The following EPHA7 variants were observed in gnomAD, a reference collection of about 807,000 sequenced individuals.
The protein encoded by EPHA7 is EPH receptor A7.
In EPHA7, 25 loss-of-function variants were observed where a neutral mutation model predicts 112.6. That is an observed-to-expected ratio of 0.22 (90% CI 0.16 to 0.31). The LOEUF (loss-of-function observed/expected upper bound fraction) is 0.31. Ranked by LOEUF, EPHA7 falls within the 10% of genes least tolerant of loss-of-function variation. EPHA7 has a pLI of 1.00. For synonymous variants in EPHA7, 437 were observed against 406.5 expected (o/e 1.07, Z -0.90); for missense variants, 962 against 1,212.6 (o/e 0.79, Z 3.07).
At chr6:93,362,618 A>G (rs1776314259) in intron 3 of EPHA7, among the ~76,000 whole-genome samples, 1 of 152,114 alleles carries the variant, frequency 6.6e-6, no homozygotes, top group Non-Finnish European at 1.5e-5. Flanking sequence ...TGTCTTCAAT[A>G]GATGTTTTGT....
intron 5 of EPHA7, among the ~76,000 whole-genome samples, chr6:93,305,528 G>A (rs1773212487): frequency 6.6e-6 from 1 of 151,760 alleles, no homozygotes; most frequent in Non-Finnish European, 1.5e-5. Context: ...AATATTTCCT[G>A]GTAACCAAAG....
Position 93,358,497 on chromosome 6 carries a change from A to G in EPHA7, c.833-86T>C, listed in dbSNP as rs1776073353. ...ATTGTATTATTTAGCAAGGAATCAA[A>G]TATTAAATGTGATGTATGTAAAACA... On this transcript the variant is annotated intron_variant, in intron 3 of 16. Transcript: ENST00000369303. 8.6e-6 allele frequency: 10 copies of G among 1,159,604 alleles called. No homozygotes were observed. The South Asian group carries it at 1.7e-4, about 20-fold the overall frequency. The allele number at this position is 1,159,604 out of a possible 1,614,324, so 71.8% of individuals were successfully genotyped here.
chr6:93,367,156 C>A (rs1029360640), intron 3 of EPHA7, among the ~76,000 whole-genome samples: 1 of 152,030 alleles, frequency 6.6e-6, no homozygotes, highest in East Asian at 1.9e-4. Context: ...TGTGACACAG[C>A]ACCATTTTAT....
chr6:93,244,257 G>A (rs1769843958), intron 16 of EPHA7, among the ~76,000 whole-genome samples: 1 of 152,030 alleles, frequency 6.6e-6, no homozygotes, highest in Non-Finnish European at 1.5e-5. Context: ...TGAGAAACAT[G>A]GGTTTTCAGG....
At position 93,246,988 on chromosome 6, in the gene EPHA7, AAT is replaced by A; in HGVS notation, c.2533-5_2533-4del. 6.4e-7 allele frequency: 1 copy of A among 1,569,890 alleles called. No individual in the cohort carries two copies. Among genetic ancestry groups the A allele is most frequent in the Non-Finnish European group, 8.7e-7 (1 of 1,148,224 alleles). On this transcript the variant is annotated splice_region_variant and splice_polypyrimidine_tract_variant and intron_variant, in intron 14 of 16. Coordinates refer to ENST00000369303, the MANE Select transcript of EPHA7 (RefSeq NM_004440.4). ...CCTTCTTCTATTGCTTTTATAACCT[AAT>A]AGCCAAAAGGACATTACAAATATTA...
chr6:93,366,150 G>T (rs1383499897), intron 3 of EPHA7, among the ~76,000 whole-genome samples: 1 of 151,922 alleles, frequency 6.6e-6, no homozygotes, highest in Non-Finnish European at 1.5e-5. Flanking sequence ...GAAAAAAAAA[G>T]TCAAGTTAGA....
chr6:93,321,834 T>C (rs969904216), intron 5 of EPHA7, among the ~76,000 whole-genome samples: 14 of 151,914 alleles, frequency 9.2e-5, no homozygotes, highest in African/African-American at 3.4e-4. Flanking sequence ...TATCTCTTTT[T>C]GAGATTAATG....
At chr6:93,348,087 T>C (rs1775494273) in intron 5 of EPHA7, among the ~76,000 whole-genome samples, 1 of 151,850 alleles carries the variant, frequency 6.6e-6, no homozygotes, top group African/African-American at 2.4e-5. Flanking sequence ...AACCTCAACA[T>C]AAGCCTATTT....
intron 15 of EPHA7, 47 bp downstream of exon 15, chr6:93,246,745 T>G (rs752997303): frequency 6.7e-7 from 1 of 1,502,594 alleles, no homozygotes; most frequent in South Asian, 1.2e-5. Context: ...TGGTTTATGT[T>G]ACTATTGTAA....
chr6:93,359,874 G>GAGAT (rs66894419), intron 3 of EPHA7, among the ~76,000 whole-genome samples: 8,992 of 127,688 alleles, frequency 0.07, 346 homozygotes, highest in Middle Eastern at 0.14. Flanking sequence ...GAGAGAGAGA[G>GAGAT]AGATAGATAG....
At chr6:93,295,087 GAGGAACAAA>G (rs1461990321) in intron 5 of EPHA7, among the ~76,000 whole-genome samples, 1 of 151,836 alleles carries the variant, frequency 6.6e-6, no homozygotes, top group Non-Finnish European at 1.5e-5. Context: ...GGAAGGGAGA[GAGGAACAAA>G]AGGAGGGAGA....
intron 3 of EPHA7, among the ~76,000 whole-genome samples, chr6:93,383,378 C>G (rs1197745222): frequency 6.6e-6 from 1 of 151,110 alleles, no homozygotes; most frequent in East Asian, 2.0e-4. Flanking sequence ...GGATGTCACT[C>G]AATGCATAGA....
chr6:93,304,172 ATAC>A (rs1194381725), intron 5 of EPHA7, among the ~76,000 whole-genome samples: 1 of 151,964 alleles, frequency 6.6e-6, no homozygotes, highest in African/African-American at 2.4e-5. Context: ...TATAGTAATT[ATAC>A]TACAAGTATA....
At chr6:93,259,550 A>C in intron 9 of EPHA7, 71 bp from the exon 10 acceptor site, 3 of 1,575,842 alleles carry the variant, frequency 1.9e-6, no homozygotes, top group Non-Finnish European at 2.6e-6. Flanking sequence ...CAGGAATTTC[A>C]TTATGCAGAG....
At position 93,364,908 on chromosome 6, in the gene EPHA7, C is replaced by T. The variant is rs547278468; in HGVS notation, c.833-6497G>A. On this transcript the variant is annotated intron_variant, in intron 3 of 16. Transcript: ENST00000369303. ...AGTAATAATTTTATCACTTAAAAAA[C>T]AGTCTTACCAAAACCAAGCTTATAT... 5.9e-5 allele frequency among the ~76,000 whole-genome samples: 9 copies of T among 152,190 alleles called. No individual in the cohort carries two copies. The East Asian group carries it at 1.7e-3, about 29-fold the overall frequency.
chr6:93,246,772 T>C lies in EPHA7; in HGVS notation c.2726+20A>G, dbSNP rs768654128. 13 of 1,570,840 alleles carry C rather than the reference T, an allele frequency of 8.3e-6. No individual in the cohort carries two copies. In the South Asian group the frequency reaches 1.2e-4, roughly 15 times the overall value. On this transcript the variant is annotated intron_variant, in intron 15 of 16. Coordinates refer to ENST00000369303, the MANE Select transcript of EPHA7 (RefSeq NM_004440.4). ...CTATTGTAATTTCTCCCAGATTCCA[T>C]TCCCTTAGGCATTTCTTACCTACTA...
At chr6:93,271,930 C>T (rs1369702292) in intron 6 of EPHA7, among the ~76,000 whole-genome samples, 2 of 151,578 alleles carry the variant, frequency 1.3e-5, no homozygotes, top group South Asian at 2.1e-4. Context: ...TTAAACAAAC[C>T]ATTAAGGTCC....
chr6:93,329,453 A>T (rs1352462964), intron 5 of EPHA7, among the ~76,000 whole-genome samples: 1 of 151,444 alleles, frequency 6.6e-6, no homozygotes, highest in Non-Finnish European at 1.5e-5. Flanking sequence ...AACTAGCAAC[A>T]GCATATGGGC....
At chr6:93,311,543 CTCTTGCAATTT>C (rs1008505151) in intron 5 of EPHA7, among the ~76,000 whole-genome samples, 86 of 152,070 alleles carry the variant, frequency 5.7e-4, no homozygotes, top group African/African-American at 2.1e-3. Context: ...AATTCTAGTT[CTCTTGCAATTT>C]TCACCACATC....
Sources: allele counts gnomAD v4.1 joint callset (sites outside exome capture counted in the v4.1 genomes callset), GRCh38; gene constraint gnomAD v4.1.1; transcripts MANE v1.5; gene names NCBI Gene and HGNC (gene_info 2026-07-23, HGNC 2026-07-21).